The following PEBP4 variants were observed in gnomAD, a reference collection of about 807,000 sequenced individuals.
PEBP4 encodes the protein phosphatidylethanolamine binding protein 4.
In PEBP4, 22 loss-of-function variants were observed where a neutral mutation model predicts 23.9. The observed-to-expected ratio is 0.92, with a 90% CI of 0.66 to 1.31. The LOEUF is 1.31. Ranked by LOEUF, PEBP4 falls within the 40% of genes most tolerant of loss-of-function variation. PEBP4 has a pLI of 0.00. For missense variants in PEBP4, 324 were observed against 281.7 expected, an observed-to-expected ratio of 1.15 and a Z score of -1.07; for synonymous variants, 112 against 99.3, an observed-to-expected ratio of 1.13 and a Z score of -0.76.
At chr8:22,830,225 G>A (rs1425000174) in intron 3 of PEBP4, among the ~76,000 whole-genome samples, 3 of 151,114 alleles carry the variant, frequency 2.0e-5, no homozygotes, top group Non-Finnish European at 4.4e-5. Context: ...CACCTCCTGG[G>A]TTCAAGTGAT....
intron 3 of PEBP4, among the ~76,000 whole-genome samples, chr8:22,901,141 A>G (rs1306512734): frequency 6.6e-6 from 1 of 152,264 alleles, no homozygotes; most frequent in Non-Finnish European, 1.5e-5. Context: ...TGAACGTAAA[A>G]TAAAACCTAT....
intron 3 of PEBP4, among the ~76,000 whole-genome samples, chr8:22,873,080 T>C (rs552919589): frequency 1.2e-4 from 19 of 152,298 alleles, no homozygotes; most frequent in Admixed American, 9.8e-4. Flanking sequence ...CAGCCTAAAC[T>C]GAGTAAATTC....
intron 5 of PEBP4, among the ~76,000 whole-genome samples, chr8:22,726,791 C>T (rs1804629941): frequency 6.6e-6 from 1 of 151,004 alleles, no homozygotes; most frequent in Non-Finnish European, 1.5e-5. Flanking sequence ...GAGGCCAGCC[C>T]AGTACCTGAG....
At chr8:22,887,500 C>T (rs572554912) in intron 3 of PEBP4, among the ~76,000 whole-genome samples, 14 of 151,906 alleles carry the variant, frequency 9.2e-5, no homozygotes, top group African/African-American at 3.4e-4. Flanking sequence ...GTGTGGTGGT[C>T]CATGCCTGTA....
At chr8:22,836,757 C>T (rs539339298) in intron 3 of PEBP4, among the ~76,000 whole-genome samples, 20 of 152,198 alleles carry the variant, frequency 1.3e-4, no homozygotes, top group Admixed American at 1.1e-3. Context: ...AGCTGAGAAA[C>T]GTATGTAAAT....
At chr8:22,892,716 C>T (rs1808517914) in intron 3 of PEBP4, among the ~76,000 whole-genome samples, 1 of 152,146 alleles carries the variant, frequency 6.6e-6, no homozygotes, top group African/African-American at 2.4e-5. Context: ...ACCAGATTTA[C>T]CCTACCACCT....
intron 3 of PEBP4, among the ~76,000 whole-genome samples, chr8:22,854,295 C>T (rs1807598628): frequency 1.3e-5 from 2 of 152,176 alleles, no homozygotes; most frequent in South Asian, 4.1e-4. Flanking sequence ...CCTACATCTG[C>T]CAGGACAAAT....
intron 3 of PEBP4, among the ~76,000 whole-genome samples, chr8:22,845,909 G>A (rs952153602): frequency 1.3e-5 from 2 of 152,232 alleles, no homozygotes; most frequent in Non-Finnish European, 2.9e-5. Context: ...AATGACTGGC[G>A]TGGTCAGCCA....
intron 4 of PEBP4, among the ~76,000 whole-genome samples, chr8:22,770,016 C>T (rs192024420): frequency 2.0e-5 from 3 of 152,260 alleles, no homozygotes; most frequent in South Asian, 2.1e-4. Context: ...TCCACCCCGC[C>T]GCCTATGCCA....
At chr8:22,741,725 G>A (rs1804999561) in intron 4 of PEBP4, among the ~76,000 whole-genome samples, 1 of 152,206 alleles carries the variant, frequency 6.6e-6, no homozygotes, top group Non-Finnish European at 1.5e-5. Context: ...GAGGAACCCT[G>A]ACTGTCTTGG....
intron 3 of PEBP4, among the ~76,000 whole-genome samples, chr8:22,881,331 G>C (rs1808254580): frequency 6.6e-6 from 1 of 152,186 alleles, no homozygotes; most frequent in Non-Finnish European, 1.5e-5. Context: ...ACAAGGACTT[G>C]TGCCTTTCCA....
At chr8:22,842,956 T>C (rs1337251137) in intron 3 of PEBP4, among the ~76,000 whole-genome samples, 1 of 152,168 alleles carries the variant, frequency 6.6e-6, no homozygotes. Context: ...GCCTCCTGAG[T>C]AGCTGTGATT....
intron 3 of PEBP4, among the ~76,000 whole-genome samples, chr8:22,893,406 A>G (rs1808532583): frequency 6.6e-6 from 1 of 152,232 alleles, no homozygotes; most frequent in South Asian, 2.1e-4. Flanking sequence ...GGCACCTAAA[A>G]AAATTACTAG....
chr8:22,934,317 C>T (rs145180077), intron 1 of PEBP4, among the ~76,000 whole-genome samples: 21 of 152,082 alleles, frequency 1.4e-4, no homozygotes, highest in Admixed American at 6.5e-4. Flanking sequence ...ATGGGGGGCA[C>T]GGAGCTGTAT....
intron 4 of PEBP4, among the ~76,000 whole-genome samples, chr8:22,817,186 TG>T (rs1402110749): frequency 6.6e-6 from 1 of 152,198 alleles, no homozygotes. Flanking sequence ...TGCCCCATCA[TG>T]GGGAGGAGCT....
At chr8:22,856,970 A>G (rs1000120391) in intron 3 of PEBP4, among the ~76,000 whole-genome samples, 3 of 152,084 alleles carry the variant, frequency 2.0e-5, no homozygotes, top group African/African-American at 7.2e-5. Context: ...CACAGAACAC[A>G]ATTCAGCCAT....
intron 4 of PEBP4, among the ~76,000 whole-genome samples, chr8:22,739,935 A>G (rs1355033671): frequency 6.6e-6 from 1 of 152,146 alleles, no homozygotes; most frequent in Non-Finnish European, 1.5e-5. Context: ...AACAGCCAAG[A>G]GCCTCGACTG....
chr8:22,902,862 C>T (rs1483305154), intron 3 of PEBP4, among the ~76,000 whole-genome samples: 2 of 152,190 alleles, frequency 1.3e-5, no homozygotes, highest in East Asian at 1.9e-4. Context: ...GGAACTTTTC[C>T]AGGAGAACAG....
intron 3 of PEBP4, among the ~76,000 whole-genome samples, chr8:22,871,552 A>ACT (rs756613141): frequency 8.7e-6 from 1 of 115,294 alleles, no homozygotes; most frequent in African/African-American, 3.5e-5. Context: ...GATTTCTGGG[A>ACT]TTTTTTTTTT....
Sources: gnomAD v4.1 joint callset for allele counts (sites outside exome capture counted in the v4.1 genomes callset) on GRCh38, gnomAD v4.1.1 for gene constraint, MANE v1.5 for transcripts, NCBI Gene and HGNC (gene_info 2026-07-23, HGNC 2026-07-21) for gene names.